Variants in PEAK1 observed in about 807,000 individuals in gnomAD.
PEAK1 encodes inactive tyrosine-protein kinase PEAK1.
PEAK1 carries 54 observed loss-of-function variants against 124.7 expected under a neutral mutation model. The ratio of observed to expected loss-of-function variants is 0.43; its 90% CI spans 0.35 to 0.54. The LOEUF (loss-of-function observed/expected upper bound fraction) is 0.54. Ranked by LOEUF, PEAK1 falls within the 20% of genes least tolerant of loss-of-function variation. PEAK1 has a pLI of 0.01. For missense variants in PEAK1, 2,046 were observed against 2,134.5 expected (o/e 0.96, Z 0.82); for synonymous variants, 719 against 760.0 (o/e 0.95, Z 0.89).
chr15:77,180,439 G>A lies in PEAK1; in HGVS notation c.1488C>T (p.Pro496=), dbSNP rs371746878. 528 of 1,614,092 alleles carry A rather than the reference G, an allele frequency of 3.3e-4. 1 individual carries two copies. The highest frequency in any genetic ancestry group is 1.5e-3 in the South Asian group (134 of 91,072). The stretch of plus-strand genomic sequence containing the variant: ...GAGTAGAGGATGAGCTTTTTGTCTT[G>A]GGGCTGTTAACAGGGCCCTCGAGGT... The part of the protein sequence containing the change: ...SEHLEGPVNS[P]KTKSSSSTPN... Residue 496 remains proline, a synonymous_variant, in exon 7 of 10, where the codon CCC becomes CCT. Transcript: ENST00000682557.
In PEAK1 at chr15:77,109,291, T is replaced by A. The variant is rs1188859445; in HGVS notation, c.*4865A>T. 2 of 152,238 alleles carry A rather than the reference T, an allele frequency of 1.3e-5. No homozygotes were observed. Among genetic ancestry groups the A allele is most frequent in the Non-Finnish European group, 2.9e-5 (2 of 68,046 alleles). 9.4% of individuals were successfully genotyped at this position (152,238 alleles called of 1,614,324 possible). ...TCCTTCTCCTTAAATACTGAGGAAC[T>A]TTGTATCTGCCAGGGCTTTCTTCAT... is the stretch of plus-strand genomic sequence containing the variant. On this transcript the variant is annotated 3_prime_UTR_variant, in exon 10 of 10. Transcript: ENST00000682557.
chr15:77,338,196 G>T, intron 2 of PEAK1: 1 of 770,606 alleles, frequency 1.3e-6, no homozygotes, highest in Non-Finnish European at 1.6e-6. Context: ...CTGCAATCCT[G>T]TATGGTTCAG....
chr15:77,220,177 G>A (rs1383389592), intron 6 of PEAK1, among the ~76,000 whole-genome samples: 1 of 152,052 alleles, frequency 6.6e-6, no homozygotes, highest in Non-Finnish European at 1.5e-5. Context: ...AAGACTGTCA[G>A]TTAAAATTCT....
At chr15:77,335,210 A>G (rs955841419) in intron 2 of PEAK1, 30 of 985,348 alleles carry the variant, frequency 3.0e-5, no homozygotes, top group Non-Finnish European at 3.6e-5. Context: ...GTCCTCTCTC[A>G]GAAAGATTCT....
intron 4 of PEAK1, among the ~76,000 whole-genome samples, chr15:77,284,674 T>C (rs2062831314): frequency 6.6e-6 from 1 of 152,202 alleles, no homozygotes; most frequent in Non-Finnish European, 1.5e-5. Flanking sequence ...AATAGTTGAA[T>C]TAAGAATGCT....
chr15:77,103,106 G>C (rs1442396578), exon 7 of PEAK1: 1 of 152,094 alleles, frequency 6.6e-6, no homozygotes, highest in Non-Finnish European at 1.5e-5. Context: ...TTTTTAGTGC[G>C]AGAAGCTACC....
At chr15:77,388,371 T>C (rs1041159287) in intron 1 of PEAK1, among the ~76,000 whole-genome samples, 11 of 152,216 alleles carry the variant, frequency 7.2e-5, no homozygotes, top group Non-Finnish European at 1.6e-4. Context: ...GTGCAGCTAA[T>C]GAAATCTGTA....
intron 5 of PEAK1, among the ~76,000 whole-genome samples, chr15:77,259,832 C>G (rs919189449): frequency 1.3e-5 from 2 of 152,138 alleles, no homozygotes; most frequent in Admixed American, 6.6e-5. Context: ...AGAATTTACA[C>G]AGAGCCTGGC....
intron 1 of PEAK1, among the ~76,000 whole-genome samples, chr15:77,380,998 T>G (rs1425062478): frequency 6.6e-6 from 1 of 152,218 alleles, no homozygotes; most frequent in Admixed American, 6.5e-5. Context: ...CAATATGAGC[T>G]AATAATATGA....
chr15:77,266,245 A>T (rs1434844885), intron 5 of PEAK1, among the ~76,000 whole-genome samples: 1 of 152,132 alleles, frequency 6.6e-6, no homozygotes, highest in Non-Finnish European at 1.5e-5. Flanking sequence ...TAAAAGTTAA[A>T]GTATAATAAT....
rs191190387 is a variant in PEAK1 at position 77,306,683 on chromosome 15, T to C, written c.-602-20179A>G. Among the ~76,000 whole-genome samples, 54 of 152,216 alleles carry C rather than the reference T, an allele frequency of 3.5e-4. 1 individual carries two copies. Among genetic ancestry groups the C allele is most frequent in the South Asian group, 1.7e-3 (8 of 4,828 alleles). On this transcript the variant is annotated intron_variant, in intron 2 of 9. Coordinates refer to ENST00000682557, the MANE Select transcript of PEAK1 (RefSeq NM_001385026.1). ...TGTCATCCAGGGCTCAGTTTCAAGG[T>C]TGAAATACATTATGATAATCACAGT... is the stretch of plus-strand genomic sequence containing the variant.
intron 9 of PEAK1, among the ~76,000 whole-genome samples, chr15:77,126,605 T>TATAAACTG (rs2052397110): frequency 1.3e-5 from 2 of 152,202 alleles, no homozygotes; most frequent in African/African-American, 4.8e-5. Context: ...TATATGTACT[T>TATAAACTG]TACAGTTTAT....
At chr15:77,252,560 A>G (rs1284361816) in intron 5 of PEAK1, 34 bp from the exon 6 acceptor site, 1 of 954,998 alleles carries the variant, frequency 1.0e-6, no homozygotes, top group Admixed American at 6.2e-5. Context: ...AAAACTGGAG[A>G]GTAATATAAT....
chr15:77,124,706 T>C (rs927038748), intron 9 of PEAK1, among the ~76,000 whole-genome samples: 6 of 152,212 alleles, frequency 3.9e-5, no homozygotes, highest in Non-Finnish European at 7.3e-5. Context: ...CAAAATCTTA[T>C]GTTATTTCTG....
chr15:77,266,159 A>G (rs899988891), intron 5 of PEAK1, among the ~76,000 whole-genome samples: 2 of 152,110 alleles, frequency 1.3e-5, no homozygotes, highest in East Asian at 1.9e-4. Context: ...GCTAGATGAC[A>G]AGTTAGTGGG....
At chr15:77,166,214 T>C (rs1395613139) in intron 7 of PEAK1, among the ~76,000 whole-genome samples, 3 of 152,198 alleles carry the variant, frequency 2.0e-5, no homozygotes, top group African/African-American at 7.2e-5. Flanking sequence ...GATATTTGGC[T>C]TCCTAATAAT....
chr15:77,160,839 C>G (rs2055570501), intron 7 of PEAK1, among the ~76,000 whole-genome samples: 2 of 152,144 alleles, frequency 1.3e-5, no homozygotes, highest in South Asian at 4.1e-4. Flanking sequence ...CTGGTTATTA[C>G]TAAAAGAAAG....
Position 77,158,703 on chromosome 15 carries a change from C to G in PEAK1, c.3138-7G>C. On this transcript the variant is annotated splice_region_variant and splice_polypyrimidine_tract_variant and intron_variant, in intron 7 of 9. Transcript: ENST00000682557. Reference sequence around the variant, plus strand: ...TACTTCATGGGTCATGTGACTGAAACAAATCAGACCACTTGTCACACTGGT... The same window carrying G: ...TACTTCATGGGTCATGTGACTGAAAGAAATCAGACCACTTGTCACACTGGT... 6.2e-7 allele frequency: 1 copy of G among 1,609,614 alleles called. No individual in the cohort carries two copies. Among genetic ancestry groups the G allele is most frequent in the Admixed American group, 1.7e-5 (1 of 59,966 alleles).
chr15:77,397,040 AG>A (rs1400690327), intron 1 of PEAK1, among the ~76,000 whole-genome samples: 2 of 152,218 alleles, frequency 1.3e-5, no homozygotes, highest in Non-Finnish European at 2.9e-5. Context: ...ATCATTCTCA[AG>A]GATAGGTCAT....
Sources: gnomAD v4.1 joint callset for allele counts (sites outside exome capture counted in the v4.1 genomes callset) on GRCh38, gnomAD v4.1.1 for gene constraint, MANE v1.5 for transcripts, NCBI Gene and HGNC (gene_info 2026-07-23, HGNC 2026-07-21) for gene names.